The following SCFD2 variants were observed in gnomAD, a reference collection of about 807,000 sequenced individuals.
SCFD2 encodes sec1 family domain containing 2.
Under a neutral mutation model 58.9 loss-of-function variants are expected in SCFD2, and 54 were observed. That is an observed-to-expected ratio of 0.92 (90% CI 0.74 to 1.15). The LOEUF (loss-of-function observed/expected upper bound fraction) is 1.15, where lower values mean the gene tolerates loss of function less well. Among genes scored for constraint, SCFD2 ranks in the 50% most tolerant of loss-of-function variants. The pLI is 0.00. For missense variants in SCFD2, 805 were observed against 836.6 expected, an observed-to-expected ratio of 0.96 and a Z score of 0.47; for synonymous variants, 321 against 335.9, an observed-to-expected ratio of 0.96 and a Z score of 0.49.
intron 2 of SCFD2, among the ~76,000 whole-genome samples, chr4:53,329,256 G>T (rs1733334609): frequency 6.6e-6 from 1 of 152,204 alleles, no homozygotes; most frequent in Non-Finnish European, 1.5e-5. Flanking sequence ...GCTCAAGGAG[G>T]CCTGCCTGCC....
At chr4:53,034,337 G>T (rs545265742) in intron 5 of SCFD2, among the ~76,000 whole-genome samples, 9 of 152,024 alleles carry the variant, frequency 5.9e-5, no homozygotes, top group Non-Finnish European at 8.8e-5. Context: ...AATACTAAGA[G>T]CTATTTATGA....
At chr4:52,929,248 G>T (rs529239051) in intron 5 of SCFD2, among the ~76,000 whole-genome samples, 10 of 152,292 alleles carry the variant, frequency 6.6e-5, no homozygotes, top group African/African-American at 2.4e-4. Context: ...TAAGCAAAGT[G>T]CCAGGATAGG....
At chr4:52,931,686 T>C (rs1043835789) in intron 5 of SCFD2, among the ~76,000 whole-genome samples, 3 of 152,190 alleles carry the variant, frequency 2.0e-5, no homozygotes, top group Admixed American at 6.5e-5. Context: ...TAGCAGGAAA[T>C]AGTATTTCCC....
chr4:53,000,392 A>T (rs1054014780), intron 5 of SCFD2, among the ~76,000 whole-genome samples: 2 of 152,192 alleles, frequency 1.3e-5, no homozygotes, highest in African/African-American at 4.8e-5. Flanking sequence ...TTCGGCCCAC[A>T]TTCCAACTCA....
intron 5 of SCFD2, among the ~76,000 whole-genome samples, chr4:53,066,302 A>G (rs758473626): frequency 2.6e-5 from 4 of 152,148 alleles, no homozygotes; most frequent in Non-Finnish European, 5.9e-5. Context: ...CTGTACAAGA[A>G]TCATGTTACT....
chr4:53,061,318 G>A (rs1353823418), intron 5 of SCFD2, among the ~76,000 whole-genome samples: 1 of 152,132 alleles, frequency 6.6e-6, no homozygotes, highest in Non-Finnish European at 1.5e-5. Context: ...TTCTCACGGA[G>A]TCCTCACAAC....
intron 2 of SCFD2, among the ~76,000 whole-genome samples, chr4:53,335,057 C>T (rs1484630863): frequency 1.3e-5 from 2 of 151,972 alleles, no homozygotes; most frequent in African/African-American, 4.8e-5. Flanking sequence ...ATCAGTCAGG[C>T]ATGGTGGCAG....
chr4:53,263,070 T>C (rs1265177565), intron 4 of SCFD2, among the ~76,000 whole-genome samples: 1 of 152,104 alleles, frequency 6.6e-6, no homozygotes, highest in Non-Finnish European at 1.5e-5. Context: ...GCATTTTTCA[T>C]TTCTCTAAGT....
intron 5 of SCFD2, among the ~76,000 whole-genome samples, chr4:52,964,169 G>T (rs1339811364): frequency 6.6e-6 from 1 of 152,154 alleles, no homozygotes; most frequent in Non-Finnish European, 1.5e-5. Context: ...CCTCCAAGTG[G>T]TTGTGTTCCA....
At chr4:53,122,639 T>C (rs1725513422) in intron 5 of SCFD2, among the ~76,000 whole-genome samples, 1 of 152,186 alleles carries the variant, frequency 6.6e-6, no homozygotes, top group African/African-American at 2.4e-5. Context: ...CGACTCCAGA[T>C]GGGCCTACAT....
chr4:52,974,189 GA>G (rs1463944659), intron 5 of SCFD2, among the ~76,000 whole-genome samples: 5 of 152,160 alleles, frequency 3.3e-5, no homozygotes, highest in Non-Finnish European at 7.3e-5. Flanking sequence ...GAAGGAGAAG[GA>G]AATAAAGGGC....
rs746695395 is a variant in SCFD2, at chr4:53,352,725, T to C, written c.880A>G (p.Ile294Val). 1.2e-6 allele frequency: 2 copies of C among 1,614,014 alleles called. No homozygotes were observed. Among genetic ancestry groups the C allele is most frequent in the Admixed American group, 1.7e-5 (1 of 59,990 alleles). ...HHGDNLVEKI[I>V]SALPQLPGHT... ...CCTGGGAGCTGGGGAAGTGCTGAAA[T>C]GATCTTCTCTACTAAGTTGTCTCCA... Residue 294 changes from isoleucine (I) to valine (V), a missense_variant, in exon 2 of 9, where the codon ATT (isoleucine) becomes GTT (valine). Physicochemically the swap from Ile to Val is conservative, Grantham distance 29. Coordinates refer to ENST00000401642, the MANE Select transcript of SCFD2 (RefSeq NM_152540.4).
intron 4 of SCFD2, among the ~76,000 whole-genome samples, chr4:53,240,320 A>C (rs1729855382): frequency 6.6e-6 from 1 of 152,236 alleles, no homozygotes; most frequent in Non-Finnish European, 1.5e-5. Flanking sequence ...AGTTTCAACT[A>C]AAATATGCTA....
intron 2 of SCFD2, among the ~76,000 whole-genome samples, chr4:53,339,335 ATACATATTATATGTAAATGTATAT>A (rs1733787288): frequency 6.6e-6 from 1 of 150,652 alleles, no homozygotes; most frequent in South Asian, 2.1e-4. Flanking sequence ...ATATATATGT[ATACATATTATATGTAAATGTATAT>A]TACATATTAT....
intron 5 of SCFD2, among the ~76,000 whole-genome samples, chr4:52,924,202 T>C (rs1255012232): frequency 1.3e-5 from 2 of 152,190 alleles, no homozygotes; most frequent in South Asian, 2.1e-4. Context: ...TATTCATTCA[T>C]TAGGCTGGGT....
At chr4:53,207,400 A>G (rs1728440168) in intron 4 of SCFD2, among the ~76,000 whole-genome samples, 1 of 145,590 alleles carries the variant, frequency 6.9e-6, no homozygotes, top group Admixed American at 7.1e-5. Context: ...TGACAAAACC[A>G]ACAATCCTTA....
At chr4:53,258,209 G>C (rs1027725455) in intron 4 of SCFD2, among the ~76,000 whole-genome samples, 1 of 151,980 alleles carries the variant, frequency 6.6e-6, no homozygotes, top group African/African-American at 2.4e-5. Context: ...AGAAACAAAT[G>C]GTATTTGGTT....
At chr4:53,037,020 T>C (rs1722781402) in intron 5 of SCFD2, among the ~76,000 whole-genome samples, 1 of 152,238 alleles carries the variant, frequency 6.6e-6, no homozygotes, top group Admixed American at 6.5e-5. Flanking sequence ...TGTATCCGAA[T>C]TGTGGCGGTT....
chr4:53,081,089 G>A (rs140660505), intron 5 of SCFD2, among the ~76,000 whole-genome samples: 32 of 152,200 alleles, frequency 2.1e-4, no homozygotes, highest in African/African-American at 5.1e-4. Context: ...CCCTGTAAAT[G>A]CAACACATGA....
Sources: gnomAD v4.1 joint callset for allele counts (sites outside exome capture counted in the v4.1 genomes callset) on GRCh38, gnomAD v4.1.1 for gene constraint, MANE v1.5 for transcripts, NCBI Gene and HGNC (gene_info 2026-07-23, HGNC 2026-07-21) for gene names.